Variants in ELAPOR2 observed in about 807,000 individuals in gnomAD.
ELAPOR2 encodes the protein endosome/lysosome-associated apoptosis and autophagy regulator family member 2.
A neutral mutation model predicts 120.7 loss-of-function variants in ELAPOR2; 89 were observed. The ratio of observed to expected loss-of-function variants is 0.74; its 90% CI spans 0.62 to 0.88. The LOEUF is 0.88. Ranked by LOEUF, ELAPOR2 falls within the 40% of genes least tolerant of loss-of-function variation. The probability of loss-of-function intolerance (pLI) is 0.00; values close to 1 mark genes in which losing one functional copy is unlikely to be tolerated. For synonymous variants in ELAPOR2, 444 were observed against 444.9 expected (o/e 1.00, Z 0.03); for missense variants, 1,134 against 1,251.6 (o/e 0.91, Z 1.42).
At chr7:87,015,692 GC>G (rs1231790604) in intron 1 of ELAPOR2, among the ~76,000 whole-genome samples, 1 of 152,092 alleles carries the variant, frequency 6.6e-6, no homozygotes, top group Non-Finnish European at 1.5e-5. Context: ...GGAGGCTGAG[GC>G]ACGAGAATTG....
intron 1 of ELAPOR2, among the ~76,000 whole-genome samples, chr7:87,041,332 T>C (rs938553467): frequency 1.3e-5 from 2 of 151,530 alleles, no homozygotes; most frequent in Admixed American, 6.6e-5. Flanking sequence ...AAAGTTGAAA[T>C]GAAGGAAAAA....
In ELAPOR2 at chr7:86,938,924, G is replaced by A. The variant is rs756443001; in HGVS notation, c.884C>T (p.Pro295Leu). Reference protein sequence around the residue: ...AYTSECFPCKPGTFSNKPGSF... With the variant: ...AYTSECFPCKLGTFSNKPGSF... ...ACCTGGTTTGTTGCTGAATGTGCCT[G>A]GCTTGCAAGGAAAACATTCTGATGT... The change falls in exon 7 of 22, where the codon CCA becomes CTA. Residue 295 changes from proline to leucine, a missense_variant. Pro to Leu is a moderately conservative substitution (Grantham distance 98). Around this residue, in one of 3 missense-constraint regions of ELAPOR2, gnomAD observed 23 missense variants for 52.4 expected, o/e 0.44. Coordinates refer to ENST00000450689, the MANE Select transcript of ELAPOR2 (RefSeq NM_001142749.3). The A allele has an allele frequency of 6.2e-7, 1 of 1,613,196 alleles. No individual in the cohort carries two copies. Among genetic ancestry groups the A allele is most frequent in the Non-Finnish European group, 8.5e-7 (1 of 1,179,432 alleles).
chr7:86,907,807 T>A (rs376528934), intron 17 of ELAPOR2, 36 bp from the exon 18 acceptor site: 1 of 1,238,676 alleles, frequency 8.1e-7, no homozygotes, highest in Non-Finnish European at 1.1e-6. Context: ...AAAAAACAGA[T>A]ATAATACAGA....
At chr7:86,919,075 T>C in intron 11 of ELAPOR2, 145 bp downstream of exon 11, 1 of 557,068 alleles carries the variant, frequency 1.8e-6, no homozygotes. Flanking sequence ...TTCTTCAATA[T>C]AATACATTAC....
chr7:86,997,896 C>A (rs1793178761), intron 1 of ELAPOR2, among the ~76,000 whole-genome samples: 1 of 152,104 alleles, frequency 6.6e-6, no homozygotes, highest in Admixed American at 6.6e-5. Context: ...TTATAAAAAG[C>A]CTTTCGTATG....
chr7:87,033,572 T>C (rs141797283), intron 1 of ELAPOR2, among the ~76,000 whole-genome samples: 2,439 of 152,296 alleles, frequency 0.016, 76 homozygotes, highest in African/African-American at 0.056. Context: ...ACAGACTGTA[T>C]GTCTTTAAAT....
At chr7:87,034,361 T>A (rs1794515135) in intron 1 of ELAPOR2, among the ~76,000 whole-genome samples, 1 of 152,156 alleles carries the variant, frequency 6.6e-6, no homozygotes, top group African/African-American at 2.4e-5. Flanking sequence ...ATTATTCATA[T>A]TACAAATACT....
Position 86,891,885 on chromosome 7 carries a change from C to A in ELAPOR2, c.2869G>T (p.Glu957Ter), listed in dbSNP as rs1788178128. Reference protein sequence around the residue: ...CYFWKKNQKLEYKYSKLVMTT... With the variant: ...CYFWKKNQKL Reference sequence around the variant, plus strand: ...ATTACTAACTTGGAATATTTGTATTCCAGTCTAAATAGTGATAAAATAAAT... The same window carrying A: ...ATTACTAACTTGGAATATTTGTATTACAGTCTAAATAGTGATAAAATAAAT... Residue 957 changes from glutamate to a stop codon, truncating the protein, a stop_gained, in exon 21 of 22, where the codon GAA (glutamate) becomes TAA (stop). Transcript: ENST00000450689. LOFTEE classifies it high-confidence loss of function. 1.3e-6 allele frequency: 2 copies of A among 1,590,352 alleles called. No homozygotes were observed. Among genetic ancestry groups the A allele is most frequent in the Non-Finnish European group, 1.7e-6 (2 of 1,163,168 alleles).
At chr7:86,959,410 G>GA (rs1186318718) in intron 2 of ELAPOR2, among the ~76,000 whole-genome samples, 2 of 151,814 alleles carry the variant, frequency 1.3e-5, no homozygotes, top group Admixed American at 6.6e-5. Context: ...CCAGATCTTA[G>GA]AAAAAAAAGC....
At chr7:86,937,154 T>C (rs1790594451) in intron 8 of ELAPOR2, among the ~76,000 whole-genome samples, 1 of 152,122 alleles carries the variant, frequency 6.6e-6, no homozygotes, top group Admixed American at 6.6e-5. Context: ...TTTGAGTTAC[T>C]GTTCTTACTG....
intron 8 of ELAPOR2, among the ~76,000 whole-genome samples, chr7:86,928,510 G>A (rs1790180320): frequency 1.3e-5 from 2 of 151,856 alleles, no homozygotes; most frequent in African/African-American, 2.4e-5. Flanking sequence ...AGTGGCGGGC[G>A]GTGCTGACAC....
chr7:86,993,698 C>T (rs1298593545), intron 1 of ELAPOR2, among the ~76,000 whole-genome samples: 1 of 152,146 alleles, frequency 6.6e-6, no homozygotes, highest in African/African-American at 2.4e-5. Flanking sequence ...CTGTTAATGT[C>T]CAAACCACTT....
At chr7:87,059,029 T>A (rs993860270) in intron 1 of ELAPOR2, among the ~76,000 whole-genome samples, 1 of 151,766 alleles carries the variant, frequency 6.6e-6, no homozygotes, top group Non-Finnish European at 1.5e-5. Flanking sequence ...AATCTTTCCC[T>A]CGACCCCAGG....
At chr7:86,985,776 C>G (rs141846341) in intron 1 of ELAPOR2, among the ~76,000 whole-genome samples, 7,918 of 152,062 alleles carry the variant, frequency 0.052, 363 homozygotes, top group African/African-American at 0.12. Context: ...ATTAACTCAT[C>G]ATTCAACATT....
intron 1 of ELAPOR2, among the ~76,000 whole-genome samples, chr7:87,055,366 C>A (rs766733326): frequency 1.3e-5 from 2 of 152,210 alleles, no homozygotes; most frequent in Non-Finnish European, 1.5e-5. Flanking sequence ...AGTCCTACTA[C>A]TGCATCCTAT....
chr7:86,960,199 T>C (rs779921221), intron 2 of ELAPOR2, among the ~76,000 whole-genome samples: 8 of 152,226 alleles, frequency 5.3e-5, no homozygotes, highest in Non-Finnish European at 7.3e-5. Flanking sequence ...AAATGTTCTG[T>C]GCCTACCTGT....
chr7:87,034,697 C>T (rs553754088), intron 1 of ELAPOR2, among the ~76,000 whole-genome samples: 1 of 152,072 alleles, frequency 6.6e-6, no homozygotes, highest in South Asian at 2.1e-4. Flanking sequence ...GTTCTTTCTG[C>T]TCTTAACGTT....
At chr7:86,963,281 T>A (rs1791785321) in intron 2 of ELAPOR2, among the ~76,000 whole-genome samples, 1 of 152,330 alleles carries the variant, frequency 6.6e-6, no homozygotes, top group East Asian at 1.9e-4. Context: ...TAGTATATAA[T>A]GAGCAAAAAT....
intron 21 of ELAPOR2, among the ~76,000 whole-genome samples, chr7:86,884,543 G>C (rs1057089884): frequency 1.1e-4 from 17 of 152,146 alleles, no homozygotes; most frequent in African/African-American, 4.1e-4. Flanking sequence ...CTGCAGAGCT[G>C]ACTGCAGGAT....
Sources: allele counts gnomAD v4.1 joint callset (sites outside exome capture counted in the v4.1 genomes callset), GRCh38; gene constraint gnomAD v4.1.1; regional missense constraint gnomAD v4.1.1; transcripts MANE v1.5; gene names NCBI Gene and HGNC (gene_info 2026-07-23, HGNC 2026-07-21).